ZFPM2: variants seen among roughly 807,000 people sequenced by gnomAD.
ZFPM2 encodes zinc finger protein ZFPM2.
A neutral mutation model predicts 98.6 loss-of-function variants in ZFPM2; 20 were observed. The observed-to-expected ratio is 0.20, with a 90% confidence interval of 0.14 to 0.29. ZFPM2 has a LOEUF of 0.29. Ranked by LOEUF, ZFPM2 falls within the 10% of genes least tolerant of loss-of-function variation. The pLI is 1.00. For missense variants in ZFPM2, 1,310 were observed against 1,388.6 expected, an observed-to-expected ratio of 0.94 and a Z score of 0.90; for synonymous variants, 518 against 502.7, an observed-to-expected ratio of 1.03 and a Z score of -0.41.
rs78631071 is a variant in ZFPM2, at chr8:105,748,499, C to T, written c.533-40219C>T. 9.9e-3 allele frequency among the ~76,000 whole-genome samples: 1,508 copies of T among 151,964 alleles called. 31 individuals carry two copies. The highest frequency in any genetic ancestry group is 0.034 in the African/African-American group (1,411 of 41,480). ...ATTCCCTGTGCCTAAAATTAAGTGC[C>T]GTAAGAAGAATAGGATGCTGAGTTT... On this transcript the variant is annotated intron_variant, in intron 5 of 7. Transcript: ENST00000407775.
At chr8:105,361,848 G>A (rs937285251) in intron 1 of ZFPM2, among the ~76,000 whole-genome samples, 7 of 151,744 alleles carry the variant, frequency 4.6e-5, no homozygotes, top group African/African-American at 1.2e-4. Context: ...TTTATGTTTA[G>A]GTATGTTTAG....
chr8:105,539,183 A>G (rs1814524352), intron 3 of ZFPM2, among the ~76,000 whole-genome samples: 2 of 152,290 alleles, frequency 1.3e-5, no homozygotes, highest in Admixed American at 6.5e-5. Context: ...GCTCAATAAT[A>G]TTATGAGCTC....
chr8:105,410,381 C>T (rs1586352434), intron 1 of ZFPM2, among the ~76,000 whole-genome samples: 2 of 151,788 alleles, frequency 1.3e-5, no homozygotes, highest in Admixed American at 6.6e-5. Flanking sequence ...ACTTGGTCGC[C>T]AAAGCCCTTT....
intron 4 of ZFPM2, among the ~76,000 whole-genome samples, chr8:105,568,450 C>T (rs771442177): frequency 7.2e-5 from 11 of 152,150 alleles, no homozygotes; most frequent in Non-Finnish European, 1.2e-4. Flanking sequence ...CACAGTTACA[C>T]ATACCCATAC....
Position 105,419,252 on chromosome 8 carries a change from T to A in ZFPM2, c.149T>A (p.Phe50Tyr). 1 of 1,613,600 alleles carries A rather than the reference T, an allele frequency of 6.2e-7. No homozygotes were observed. Among genetic ancestry groups the A allele is most frequent in the South Asian group, 1.1e-5 (1 of 91,020 alleles). The change falls in exon 2 of 8, where the codon TTT becomes TAT. Residue 50 changes from phenylalanine to tyrosine, a missense_variant. Physicochemically the swap from Phe to Tyr is conservative, Grantham distance 22. Coordinates refer to ENST00000407775, the MANE Select transcript of ZFPM2 (RefSeq NM_012082.4). ...TTGGAGGAAAGCTTTTCCACAGAAT[T>A]TGGGCCTGAAAATCTGAGCTGCGAA... ...FPLEESFSTE[F>Y]GPENLSCEEV... is the part of the protein sequence containing the mutation.
chr8:105,619,805 G>T, intron 4 of ZFPM2, among the ~76,000 whole-genome samples: 1 of 151,900 alleles, frequency 6.6e-6, no homozygotes, highest in East Asian at 1.9e-4. Flanking sequence ...CCTTGCAATA[G>T]TTTCCTGAGA....
chr8:105,442,003 G>A (rs1812260828), intron 2 of ZFPM2, among the ~76,000 whole-genome samples: 1 of 151,900 alleles, frequency 6.6e-6, no homozygotes, highest in African/African-American at 2.4e-5. Flanking sequence ...GCTAAGACTT[G>A]GTCTTATTTG....
chr8:105,669,243 T>C (rs1258303759), intron 5 of ZFPM2, among the ~76,000 whole-genome samples: 1 of 152,034 alleles, frequency 6.6e-6, no homozygotes, highest in East Asian at 1.9e-4. Context: ...TCAATACATA[T>C]ATACGTAATG....
intron 3 of ZFPM2, among the ~76,000 whole-genome samples, chr8:105,487,023 A>G (rs1813242397): frequency 6.6e-6 from 1 of 152,180 alleles, no homozygotes; most frequent in East Asian, 1.9e-4. Context: ...GTGGCTTGTC[A>G]GGTACCCCCT....
chr8:105,707,258 AAAAG>A (rs1037731148), intron 5 of ZFPM2, among the ~76,000 whole-genome samples: 8 of 147,436 alleles, frequency 5.4e-5, no homozygotes, highest in African/African-American at 1.9e-4. Flanking sequence ...AAAAAAAAGA[AAAAG>A]AAAAAAAAAG....
In ZFPM2 at chr8:105,388,187, A is replaced by G. The variant is rs201656189; in HGVS notation, c.41-30957A>G. 2.0e-5 allele frequency among the ~76,000 whole-genome samples: 3 copies of G among 152,338 alleles called. No homozygotes were observed. In the East Asian group the frequency reaches 5.8e-4, roughly 29 times the overall value. On this transcript the variant is annotated intron_variant, in intron 1 of 7. Coordinates refer to ENST00000407775, the MANE Select transcript of ZFPM2 (RefSeq NM_012082.4). The stretch of plus-strand genomic sequence containing the variant: ...ATATTGCATGCCAAAATATGCAAAC[A>G]CATGTGCATATGAATGTGCACACAC...
Position 105,754,130 on chromosome 8 carries a change from A to G in ZFPM2, c.533-34588A>G, listed in dbSNP as rs370447675. 9.2e-5 allele frequency among the ~76,000 whole-genome samples: 14 copies of G among 152,142 alleles called. No individual in the cohort carries two copies. In the East Asian group the frequency reaches 2.5e-3, roughly 27 times the overall value. ...ACACTGGCAATTCACCTTTTTTCCT[A>G]GTGAGATGGGTGGGGTTTGTTGCTT... On this transcript the variant is annotated intron_variant, in intron 5 of 7. Coordinates refer to ENST00000407775, the MANE Select transcript of ZFPM2 (RefSeq NM_012082.4).
chr8:105,497,531 G>T (rs979902396), intron 3 of ZFPM2, among the ~76,000 whole-genome samples: 1 of 152,110 alleles, frequency 6.6e-6, no homozygotes, highest in Non-Finnish European at 1.5e-5. Flanking sequence ...GACATATGGT[G>T]CTGAGAAAAA....
At chr8:105,453,992 C>G (rs1812537159) in intron 3 of ZFPM2, among the ~76,000 whole-genome samples, 1 of 152,056 alleles carries the variant, frequency 6.6e-6, no homozygotes, top group Non-Finnish European at 1.5e-5. Flanking sequence ...AAACAAATAT[C>G]AATATAACAC....
intron 1 of ZFPM2, among the ~76,000 whole-genome samples, chr8:105,346,372 G>A (rs1474769771): frequency 4.8e-5 from 7 of 147,182 alleles, no homozygotes; most frequent in South Asian, 2.1e-4. Context: ...CAATAAGAGC[G>A]AAACTCCATC....
At chr8:105,580,884 A>G (rs530597674) in intron 4 of ZFPM2, among the ~76,000 whole-genome samples, 2 of 150,696 alleles carry the variant, frequency 1.3e-5, no homozygotes, top group South Asian at 4.2e-4. Flanking sequence ...CACATTTACT[A>G]ATTAATTCCC....
At position 105,671,902 on chromosome 8, in the gene ZFPM2, G is replaced by A. The variant is rs114231405; in HGVS notation, c.532+37545G>A. ...AAGAGAGTACAGAATTGAAAGCAAAGCAATCAACTCTTAATTACTATGTTA... is the reference window on the plus strand; with the variant it reads ...AAGAGAGTACAGAATTGAAAGCAAAACAATCAACTCTTAATTACTATGTTA... On this transcript the variant is annotated intron_variant, in intron 5 of 7. Coordinates refer to ENST00000407775, the MANE Select transcript of ZFPM2 (RefSeq NM_012082.4). Among the ~76,000 whole-genome samples the A allele has an allele frequency of 4.8e-3, 734 of 152,198 alleles. 5 individuals are homozygous for A. Among genetic ancestry groups the A allele is most frequent in the African/African-American group, 0.015 (604 of 41,548 alleles).
At chr8:105,556,716 T>G (rs201796968) in intron 3 of ZFPM2, among the ~76,000 whole-genome samples, 2 of 123,642 alleles carry the variant, frequency 1.6e-5, no homozygotes, top group Admixed American at 8.6e-5. Context: ...TCCCTTCCCT[T>G]CCCTCCCCTC....
chr8:105,738,428 A>T (rs558316824), intron 5 of ZFPM2, among the ~76,000 whole-genome samples: 98 of 152,126 alleles, frequency 6.4e-4, no homozygotes, highest in Non-Finnish European at 1.0e-3. Flanking sequence ...TCACTCATGG[A>T]CATTTAGGTT....
Sources: allele counts gnomAD v4.1 joint callset (sites outside exome capture counted in the v4.1 genomes callset), GRCh38; gene constraint gnomAD v4.1.1; transcripts MANE v1.5; gene names NCBI Gene and HGNC (gene_info 2026-07-23, HGNC 2026-07-21).